CCDC175: variants seen among roughly 807,000 people sequenced by gnomAD.
CCDC175 encodes the protein coiled-coil domain-containing protein 175.
In CCDC175, 100 loss-of-function variants were observed where a neutral mutation model predicts 114.6. The observed-to-expected ratio is 0.87, with a 90% confidence interval of 0.74 to 1.03. The LOEUF (loss-of-function observed/expected upper bound fraction) is 1.03, where lower values mean the gene tolerates loss of function less well. CCDC175 is among the 50% of genes least tolerant of loss of function. The probability of loss-of-function intolerance (pLI) is 0.00; values close to 1 mark genes in which losing one functional copy is unlikely to be tolerated. For synonymous variants in CCDC175, 306 were observed against 308.7 expected (o/e 0.99, Z 0.09); for missense variants, 880 against 917.8 (o/e 0.96, Z 0.53).
intron 17 of CCDC175, among the ~76,000 whole-genome samples, chr14:59,513,921 G>A (rs1347229930): frequency 9.9e-5 from 15 of 152,146 alleles, no homozygotes; most frequent in Admixed American, 9.8e-4. Flanking sequence ...CCTCCTAGTA[G>A]GGGCAGACTG....
In CCDC175 at chr14:59,511,789, A is replaced by C. The variant is rs151312451; in HGVS notation, c.2113T>G (p.Leu705Val). ...LIAQEAQYKD[L>V]WAEFQTTVKI... ...ACTGTGGTCTGAAATTCAGCCCACAAATCCTTATATTGTGCTAAAATAAAG... is the reference window on the plus strand; with the variant it reads ...ACTGTGGTCTGAAATTCAGCCCACACATCCTTATATTGTGCTAAAATAAAG... The change falls in exon 18 of 20, where the codon TTG becomes GTG. Residue 705 changes from leucine to valine, a missense_variant. Coordinates refer to ENST00000537690, the MANE Select transcript of CCDC175 (RefSeq NM_001164399.2). 6.7e-3 allele frequency: 10,249 copies of C among 1,535,372 alleles called. 55 individuals are homozygous for C. Among genetic ancestry groups the C allele is most frequent in the Middle Eastern group, 0.012 (69 of 5,986 alleles).
chr14:59,574,979 G>A lies in CCDC175; in HGVS notation c.207C>T (p.Ile69=). ...DYFKCNEEAK[I]FLKDIAVAVK... ...CAGCTACAGCAATGTCCTTAAGAAA[G>A]ATCTTAGCTTCTTCATTACATTTAA... Residue 69 remains isoleucine, a synonymous_variant, in exon 2 of 20, where the codon ATC becomes ATT. Transcript: ENST00000537690. 6.6e-7 allele frequency: 1 copy of A among 1,517,428 alleles called. No individual in the cohort carries two copies. Among genetic ancestry groups the A allele is most frequent in the Non-Finnish European group, 8.8e-7 (1 of 1,133,576 alleles). The allele number at this position is 1,517,428 out of a possible 1,614,324, so 94.0% of individuals were successfully genotyped here. A position where few individuals can be genotyped will look rare whatever the true frequency, so the allele number is the denominator to read the frequency against.
chr14:59,548,333 G>A (rs1442843173), intron 8 of CCDC175, among the ~76,000 whole-genome samples: 1 of 152,158 alleles, frequency 6.6e-6, no homozygotes, highest in African/African-American at 2.4e-5. Flanking sequence ...GGTAAAGTTT[G>A]AGTTGAATGT....
intron 19 of CCDC175, among the ~76,000 whole-genome samples, chr14:59,505,898 T>G (rs868089952): frequency 1.3e-5 from 2 of 152,280 alleles, no homozygotes. Flanking sequence ...CCAGAAGTGT[T>G]TCGAATTTCG....
chr14:59,517,802 C>T (rs939192020), intron 17 of CCDC175, among the ~76,000 whole-genome samples: 1 of 152,116 alleles, frequency 6.6e-6, no homozygotes, highest in African/African-American at 2.4e-5. Context: ...ACTTTCTTCA[C>T]AGAATTGGAA....
chr14:59,516,231 G>C (rs1893077218), intron 17 of CCDC175, among the ~76,000 whole-genome samples: 1 of 152,124 alleles, frequency 6.6e-6, no homozygotes, highest in Admixed American at 6.5e-5. Context: ...ATCTAAAATT[G>C]ACACCCTAAC....
chr14:59,513,721 G>A (rs575178692), intron 17 of CCDC175, among the ~76,000 whole-genome samples: 1 of 152,312 alleles, frequency 6.6e-6, no homozygotes, highest in Admixed American at 6.5e-5. Flanking sequence ...GCCTGCCTCT[G>A]TAGACTCCAC....
chr14:59,575,474 T>A (rs1476763909), intron 1 of CCDC175, among the ~76,000 whole-genome samples: 2 of 140,670 alleles, frequency 1.4e-5, no homozygotes, highest in Non-Finnish European at 3.1e-5. Context: ...TAGGTCTTAA[T>A]AACTTTAGGT....
intron 7 of CCDC175, among the ~76,000 whole-genome samples, chr14:59,554,980 T>C (rs1895786720): frequency 6.6e-6 from 1 of 152,040 alleles, no homozygotes; most frequent in Non-Finnish European, 1.5e-5. Flanking sequence ...ATTAACAGCT[T>C]ACCAACCAAA....
rs539770365 is a variant in CCDC175 at position 59,562,045 on chromosome 14, A to G, written c.844-817T>C. 4.6e-5 allele frequency among the ~76,000 whole-genome samples: 7 copies of G among 152,340 alleles called. No individual in the cohort carries two copies. In the South Asian group the frequency reaches 1.4e-3, roughly 32 times the overall value. Reference sequence around the variant, plus strand: ...GAGAGAGGTGGGTAAAAGCTACTCAAAATGGTTTCTTTCTCTAGAGCACCC... The same window carrying G: ...GAGAGAGGTGGGTAAAAGCTACTCAGAATGGTTTCTTTCTCTAGAGCACCC... On this transcript the variant is annotated intron_variant, in intron 6 of 19. Coordinates refer to ENST00000537690, the MANE Select transcript of CCDC175 (RefSeq NM_001164399.2).
intron 13 of CCDC175, among the ~76,000 whole-genome samples, chr14:59,536,566 C>A (rs750699450): frequency 6.6e-6 from 1 of 151,846 alleles, no homozygotes; most frequent in Non-Finnish European, 1.5e-5. Flanking sequence ...CCTCTCCCCC[C>A]TCACCCCGTT....
intron 7 of CCDC175, among the ~76,000 whole-genome samples, chr14:59,557,695 TC>T (rs1315298447): frequency 6.6e-6 from 1 of 151,662 alleles, no homozygotes; most frequent in Non-Finnish European, 1.5e-5. Context: ...AAAGTTCCAG[TC>T]CCCATCTCCC....
intron 14 of CCDC175, among the ~76,000 whole-genome samples, chr14:59,531,032 T>C (rs982583741): frequency 2.6e-5 from 4 of 151,904 alleles, no homozygotes; most frequent in Admixed American, 6.6e-5. Flanking sequence ...CACAGCACTT[T>C]GGGAGGCCAA....
chr14:59,536,820 C>T (rs748384133), intron 13 of CCDC175, among the ~76,000 whole-genome samples: 2 of 152,162 alleles, frequency 1.3e-5, no homozygotes, highest in South Asian at 2.1e-4. Context: ...CTCGCTCTGT[C>T]GCCCAGGCTG....
chr14:59,562,868 T>A (rs1275580114), intron 6 of CCDC175, among the ~76,000 whole-genome samples: 1 of 152,210 alleles, frequency 6.6e-6, no homozygotes, highest in Non-Finnish European at 1.5e-5. Context: ...TAAAAACAGA[T>A]AATAATTTTT....
chr14:59,565,311 C>A, intron 4 of CCDC175, 36 bp from the exon 5 acceptor site: 1 of 1,491,924 alleles, frequency 6.7e-7, no homozygotes. Context: ...GTGAGAAGCA[C>A]AGCTCCTAAG....
chr14:59,524,216 T>G (rs1157420551), intron 16 of CCDC175, among the ~76,000 whole-genome samples: 2 of 152,184 alleles, frequency 1.3e-5, no homozygotes, highest in African/African-American at 2.4e-5. Flanking sequence ...CTCTATACAC[T>G]TTAAAAATAT....
chr14:59,510,507 T>C, intron 19 of CCDC175, 139 bp downstream of exon 19: 1 of 816,604 alleles, frequency 1.2e-6, no homozygotes. Context: ...TAAGTATCAA[T>C]GTTCAATTGA....
At chr14:59,507,634 G>C (rs937317426) in intron 19 of CCDC175, among the ~76,000 whole-genome samples, 3 of 152,222 alleles carry the variant, frequency 2.0e-5, no homozygotes, top group Admixed American at 1.3e-4. Context: ...GTTACAGGTG[G>C]CTCAGAGATG....
Sources: allele counts gnomAD v4.1 joint callset (sites outside exome capture counted in the v4.1 genomes callset), GRCh38; gene constraint gnomAD v4.1.1; transcripts MANE v1.5; gene names NCBI Gene and HGNC (gene_info 2026-07-23, HGNC 2026-07-21).